The following LNX2 variants were observed in gnomAD, a reference collection of about 807,000 sequenced individuals.
The protein encoded by LNX2 is ligand of numb-protein X 2.
A neutral mutation model predicts 66.2 loss-of-function variants in LNX2; 35 were observed. The ratio of observed to expected loss-of-function variants is 0.53; its 90% CI spans 0.40 to 0.70. The LOEUF is 0.70. LNX2 is among the 30% of genes least tolerant of loss of function. The probability of loss-of-function intolerance (pLI) is 0.00; values close to 1 mark genes in which losing one functional copy is unlikely to be tolerated. For missense variants in LNX2, 791 were observed against 850.8 expected (o/e 0.93, Z 0.87); for synonymous variants, 337 against 315.6 (o/e 1.07, Z -0.72).
intron 5 of LNX2, 96 bp downstream of exon 5, chr13:27,562,317 T>C: frequency 2.8e-6 from 4 of 1,413,836 alleles, no homozygotes; most frequent in Non-Finnish European, 3.8e-6. Context: ...AAATATAAAA[T>C]GTCCCCTGAA....
intron 4 of LNX2, among the ~76,000 whole-genome samples, chr13:27,563,786 GGATT>G (rs1197599707): frequency 2.0e-5 from 3 of 152,108 alleles, no homozygotes; most frequent in Non-Finnish European, 2.9e-5. Context: ...TATTGACTTA[GGATT>G]GATAGTTGTA....
In LNX2 at chr13:27,559,834, A is replaced by G; in HGVS notation, c.1368+8T>C. 1.3e-6 allele frequency: 2 copies of G among 1,501,256 alleles called. No individual in the cohort carries two copies. The highest frequency in any genetic ancestry group is 1.8e-6 in the Non-Finnish European group (2 of 1,121,268). 93.0% of individuals were successfully genotyped at this position (1,501,256 alleles called of 1,614,324 possible). On this transcript the variant is annotated splice_region_variant and intron_variant, in intron 6 of 9. Transcript: ENST00000316334. ...GATGGTGGCATAAAAAAAAAAAAAA[A>G]TCCTCACCTTATGTGAGCTTGGTCT...
In LNX2 at chr13:27,580,495, T is replaced by C. The variant is rs148203178; in HGVS notation, c.407+802A>G. Among the ~76,000 whole-genome samples, 451 of 152,294 alleles carry C rather than the reference T, an allele frequency of 3.0e-3. 2 individuals carry two copies. The highest frequency in any genetic ancestry group is 0.01 in the African/African-American group (435 of 41,586). On this transcript the variant is annotated intron_variant, in intron 2 of 9. Transcript: ENST00000316334. ...ACTTGAAATTAGAAACCAGTATTTA[T>C]TTCTGCCATTTTATGTGATTCTACA...
rs80249481 is a variant in LNX2 at position 27,614,003 on chromosome 13, A to T, written c.-101+6372T>A. 4.8e-4 allele frequency among the ~76,000 whole-genome samples: 73 copies of T among 152,356 alleles called. No homozygotes were observed. In the East Asian group the frequency reaches 7.1e-3, roughly 15 times the overall value. ...AAGTAAAACTGCCTTTGCAAAAATT[A>T]TATCAGTGAAAACATAGCAGTGGGG... is the stretch of plus-strand genomic sequence containing the variant. On this transcript the variant is annotated intron_variant, in intron 1 of 9. Transcript: ENST00000316334.
chr13:27,571,923 T>C (rs1277576394), intron 2 of LNX2, among the ~76,000 whole-genome samples: 1 of 152,204 alleles, frequency 6.6e-6, no homozygotes, highest in African/African-American at 2.4e-5. Flanking sequence ...ATCCTCACAA[T>C]TACTCTGTTA....
At chr13:27,563,294 A>G (rs898800935) in intron 4 of LNX2, among the ~76,000 whole-genome samples, 1 of 152,214 alleles carries the variant, frequency 6.6e-6, no homozygotes, top group African/African-American at 2.4e-5. Context: ...TATTTTAAGG[A>G]AAGTAGCACA....
intron 2 of LNX2, among the ~76,000 whole-genome samples, chr13:27,573,332 T>C (rs112123813): frequency 3.9e-5 from 6 of 152,102 alleles, no homozygotes; most frequent in East Asian, 1.9e-4. Flanking sequence ...TTCTTTTTTT[T>C]CCCCCTATAC....
At chr13:27,607,790 G>C (rs1380669299) in intron 1 of LNX2, among the ~76,000 whole-genome samples, 2 of 152,180 alleles carry the variant, frequency 1.3e-5, no homozygotes, top group Non-Finnish European at 2.9e-5. Context: ...GGGTACAAAA[G>C]GGCAGGAAGC....
intron 2 of LNX2, among the ~76,000 whole-genome samples, chr13:27,579,304 A>G (rs780242881): frequency 6.6e-6 from 1 of 152,236 alleles, no homozygotes; most frequent in Non-Finnish European, 1.5e-5. Context: ...ATTACATTTT[A>G]TAATTTTTTT....
chr13:27,591,634 A>C (rs1423338053), intron 1 of LNX2, among the ~76,000 whole-genome samples: 4 of 152,190 alleles, frequency 2.6e-5, no homozygotes, highest in Non-Finnish European at 5.9e-5. Flanking sequence ...TTTATTGAGA[A>C]TCTCCTATGT....
At chr13:27,554,171 T>C (rs1955034315) in intron 7 of LNX2, among the ~76,000 whole-genome samples, 1 of 152,184 alleles carries the variant, frequency 6.6e-6, no homozygotes, top group Non-Finnish European at 1.5e-5. Flanking sequence ...TCATTCTCAT[T>C]GTAGAAAATT....
chr13:27,588,602 T>C (rs781105799), intron 1 of LNX2, among the ~76,000 whole-genome samples: 3 of 152,312 alleles, frequency 2.0e-5, no homozygotes, highest in Admixed American at 6.5e-5. Flanking sequence ...TACTGTACTA[T>C]AGTTCTGCAA....
In LNX2 at chr13:27,552,908, C is replaced by T. The variant is rs369581795; in HGVS notation, c.1778+300G>A. 7.2e-5 allele frequency among the ~76,000 whole-genome samples: 11 copies of T among 152,282 alleles called. No homozygotes were observed. The East Asian group carries it at 1.7e-3, about 24-fold the overall frequency. On this transcript the variant is annotated intron_variant, in intron 8 of 9. Transcript: ENST00000316334. Reference sequence around the variant, plus strand: ...AAATGCATGAAGTCTCAGCACATAGCGGAATGAGTGCTGGTAAACGACAAC... The same window carrying T: ...AAATGCATGAAGTCTCAGCACATAGTGGAATGAGTGCTGGTAAACGACAAC...
chr13:27,571,527 C>A lies in LNX2; in HGVS notation c.408-2251G>T, dbSNP rs372610676. On this transcript the variant is annotated intron_variant, in intron 2 of 9. Transcript: ENST00000316334. ...ATGGCTGTTAATGGGTATTGGGTTT[C>A]TTTTAGGTATGCTGAAAATGTTCTA... 2.0e-5 allele frequency among the ~76,000 whole-genome samples: 3 copies of A among 152,190 alleles called. No homozygotes were observed. The East Asian group carries it at 5.8e-4, about 29-fold the overall frequency.
intron 1 of LNX2, among the ~76,000 whole-genome samples, chr13:27,583,238 GTGTGTGTGTGTGTGTGTGCGCGCGTCCT>G (rs1955435310): frequency 4.6e-5 from 1 of 21,610 alleles, no homozygotes; most frequent in Admixed American, 4.9e-4. Flanking sequence ...GTGTGTGTGT[GTGTGTGTGTGTGTGTGTGCGCGCGTCCT>G]CTCCAACATA....
At chr13:27,560,123 TGG>T (rs1310081924) in intron 5 of LNX2, 138 bp from the exon 6 acceptor site, 2 of 590,386 alleles carry the variant, frequency 3.4e-6, no homozygotes, top group Non-Finnish European at 5.4e-6. Flanking sequence ...AAGCACCTGG[TGG>T]CAAGAGGAAT....
At chr13:27,559,449 A>G (rs1253342182) in intron 6 of LNX2, among the ~76,000 whole-genome samples, 1 of 152,220 alleles carries the variant, frequency 6.6e-6, no homozygotes, top group Non-Finnish European at 1.5e-5. Flanking sequence ...ATTATTAAGC[A>G]TAGATTTGTC....
chr13:27,610,964 G>A (rs1373200346), intron 1 of LNX2, among the ~76,000 whole-genome samples: 1 of 151,736 alleles, frequency 6.6e-6, no homozygotes, highest in Non-Finnish European at 1.5e-5. Context: ...AAGTGTTGGT[G>A]AGAACATAGA....
intron 1 of LNX2, among the ~76,000 whole-genome samples, chr13:27,617,490 G>A (rs997319555): frequency 1.3e-5 from 2 of 152,200 alleles, no homozygotes; most frequent in African/African-American, 4.8e-5. Flanking sequence ...GTAAAGGAAA[G>A]AAAGAAGAGG....
Sources: allele counts gnomAD v4.1 joint callset (sites outside exome capture counted in the v4.1 genomes callset), GRCh38; gene constraint gnomAD v4.1.1; transcripts MANE v1.5; gene names NCBI Gene and HGNC (gene_info 2026-07-23, HGNC 2026-07-21).